RAB30: variants seen among roughly 807,000 people sequenced by gnomAD.
The protein encoded by RAB30 is ras-related protein Rab-30.
RAB30 carries 9 observed loss-of-function variants against 25.1 expected under a neutral mutation model. The ratio of observed to expected loss-of-function variants is 0.36; its 90% CI spans 0.22 to 0.63. RAB30 has a LOEUF of 0.63. Among genes scored for constraint, RAB30 ranks in the 20% least tolerant of loss-of-function variants. The probability of loss-of-function intolerance (pLI) is 0.69; values close to 1 mark genes in which losing one functional copy is unlikely to be tolerated. For missense variants in RAB30, 140 were observed against 243.5 expected, an observed-to-expected ratio of 0.58 and a Z score of 2.83; for synonymous variants, 77 against 86.4, an observed-to-expected ratio of 0.89 and a Z score of 0.60.
intron 1 of RAB30, among the ~76,000 whole-genome samples, chr11:83,012,364 G>A (rs765628397): frequency 1.3e-5 from 2 of 152,126 alleles, no homozygotes; most frequent in African/African-American, 4.8e-5. Flanking sequence ...CTCTTCCAGG[G>A]CTCTGGCTGC....
intron 4 of RAB30, chr11:82,986,998 T>C (rs2121439845): frequency 6.6e-6 from 1 of 152,358 alleles, no homozygotes; most frequent in Admixed American, 6.5e-5. Flanking sequence ...GAGAAGTTTT[T>C]AATGACCTGG....
intron 1 of RAB30, among the ~76,000 whole-genome samples, chr11:83,007,291 G>C (rs1857204764): frequency 6.6e-6 from 1 of 152,190 alleles, no homozygotes; most frequent in African/African-American, 2.4e-5. Flanking sequence ...ATTGGGGGTG[G>C]AGTTAGGAGG....
intron 1 of RAB30, among the ~76,000 whole-genome samples, chr11:83,063,636 C>T (rs908106211): frequency 6.6e-6 from 1 of 152,202 alleles, no homozygotes; most frequent in Non-Finnish European, 1.5e-5. Context: ...GTTCACCCTT[C>T]GCAACTAGCT....
intron 1 of RAB30, among the ~76,000 whole-genome samples, chr11:83,032,735 G>A (rs766752698): frequency 6.6e-6 from 1 of 152,110 alleles, no homozygotes; most frequent in Non-Finnish European, 1.5e-5. Flanking sequence ...GTCCACCATA[G>A]CTAGAACACA....
intron 1 of RAB30, among the ~76,000 whole-genome samples, chr11:83,048,078 T>C (rs966245659): frequency 2.6e-5 from 4 of 152,012 alleles, no homozygotes; most frequent in African/African-American, 7.2e-5. Flanking sequence ...ACCCTGTCTC[T>C]ACAAAAAATA....
intron 1 of RAB30, among the ~76,000 whole-genome samples, chr11:83,010,625 A>G (rs1049097988): frequency 2.0e-5 from 3 of 152,166 alleles, no homozygotes; most frequent in African/African-American, 7.2e-5. Flanking sequence ...ACAGGTACAC[A>G]TATATGAAGC....
Position 82,992,217 on chromosome 11 carries a change from C to T in RAB30, c.177+1822G>A, listed in dbSNP as rs1856864570. On this transcript the variant is annotated intron_variant, in intron 3 of 4. Transcript: ENST00000527633. The stretch of plus-strand genomic sequence containing the variant: ...CCCATCAATGCCTCCTGAGCACACT[C>T]CTGTCTCTCTTTCCTGTCCCCACAG... 9.1e-6 allele frequency: 4 copies of T among 437,942 alleles called. No homozygotes were observed. In the Admixed American group the frequency reaches 9.6e-5, roughly 10 times the overall value. 27.1% of individuals were successfully genotyped at this position (437,942 alleles called of 1,614,324 possible).
intron 1 of RAB30, among the ~76,000 whole-genome samples, chr11:83,019,183 T>C (rs1014608456): frequency 2.6e-5 from 4 of 152,142 alleles, no homozygotes; most frequent in Non-Finnish European, 1.5e-5. Flanking sequence ...TGTGCCACCA[T>C]GCCCAGTAAT....
At chr11:83,021,299 T>C (rs889311060) in intron 1 of RAB30, among the ~76,000 whole-genome samples, 1 of 152,170 alleles carries the variant, frequency 6.6e-6, no homozygotes, top group Non-Finnish European at 1.5e-5. Flanking sequence ...CTCACCAGGT[T>C]ATGAGTGAAG....
At chr11:83,019,953 G>A (rs74651068) in intron 1 of RAB30, among the ~76,000 whole-genome samples, 2,367 of 152,354 alleles carry the variant, frequency 0.016, 55 homozygotes, top group East Asian at 0.079. Flanking sequence ...GTGGTGAGCT[G>A]TCTGGAGCAG....
In RAB30 at chr11:82,976,516, G is replaced by C. The variant is rs983359074; in HGVS notation, c.*5649C>G. On this transcript the variant is annotated 3_prime_UTR_variant, in exon 5 of 5. Coordinates refer to ENST00000527633, the MANE Select transcript of RAB30 (RefSeq NM_001286060.2). ...AGTGTCAAAGTCAGCAACCACCACCGATTCCGTCAGGAACTAGAACACAGC... is the reference window on the plus strand; with the variant it reads ...AGTGTCAAAGTCAGCAACCACCACCCATTCCGTCAGGAACTAGAACACAGC... 1.3e-5 allele frequency: 2 copies of C among 151,938 alleles called. No homozygotes were observed. Among genetic ancestry groups the C allele is most frequent in the Non-Finnish European group, 2.9e-5 (2 of 67,992 alleles). 9.4% of individuals were successfully genotyped at this position (151,938 alleles called of 1,614,324 possible).
chr11:83,015,784 G>C (rs550583887), intron 1 of RAB30, among the ~76,000 whole-genome samples: 3 of 152,288 alleles, frequency 2.0e-5, no homozygotes, highest in African/African-American at 7.2e-5. Context: ...AAGAAGTAGA[G>C]TGTCAAAGAA....
intron 1 of RAB30, among the ~76,000 whole-genome samples, chr11:83,058,989 T>C (rs905718893): frequency 1.3e-5 from 2 of 152,216 alleles, no homozygotes; most frequent in African/African-American, 2.4e-5. Context: ...GTCACCCAGG[T>C]TGGAGTGCAA....
intron 4 of RAB30, among the ~76,000 whole-genome samples, chr11:82,985,859 A>C (rs2121437455): frequency 6.6e-6 from 1 of 152,048 alleles, no homozygotes; most frequent in Admixed American, 6.5e-5. Context: ...CCACAGGTAG[A>C]TGCCATCATG....
At chr11:83,025,821 ATTG>A (rs1857697856) in intron 1 of RAB30, among the ~76,000 whole-genome samples, 2 of 152,244 alleles carry the variant, frequency 1.3e-5, no homozygotes, top group African/African-American at 4.8e-5. Context: ...TTCTTAAAAA[ATTG>A]AAAAGGAGTT....
At position 82,982,102 on chromosome 11, in the gene RAB30, C is replaced by G. The variant is rs139798581; in HGVS notation, c.*63G>C. On this transcript the variant is annotated 3_prime_UTR_variant, in exon 5 of 5. Transcript: ENST00000527633. ...GGGAGCCACAGTCATCGCCAGATCTCCCCAGCATCTCATGGCCCATCAGGG... is the reference window on the plus strand; with the variant it reads ...GGGAGCCACAGTCATCGCCAGATCTGCCCAGCATCTCATGGCCCATCAGGG... 412 of 1,601,194 alleles carry G rather than the reference C, an allele frequency of 2.6e-4. 1 individual carries two copies. The African/African-American group carries it at 4.5e-3, about 17-fold the overall frequency.
At chr11:83,063,343 G>A (rs1858624684) in intron 1 of RAB30, among the ~76,000 whole-genome samples, 1 of 152,196 alleles carries the variant, frequency 6.6e-6, no homozygotes, top group African/African-American at 2.4e-5. Flanking sequence ...AGATGTAGAG[G>A]AAGTGAGCAG....
At chr11:83,037,518 G>A (rs1434252563) in intron 1 of RAB30, among the ~76,000 whole-genome samples, 1 of 152,144 alleles carries the variant, frequency 6.6e-6, no homozygotes, top group African/African-American at 2.4e-5. Context: ...CCAAAGTGCT[G>A]GGATTACAGG....
At position 82,982,082 on chromosome 11, in the gene RAB30, C is replaced by A; in HGVS notation, c.*83G>T. 6.4e-7 allele frequency: 1 copy of A among 1,565,734 alleles called. No homozygotes were observed. The highest frequency in any genetic ancestry group is 1.2e-5 in the South Asian group (1 of 84,770). On this transcript the variant is annotated 3_prime_UTR_variant, in exon 5 of 5. Transcript: ENST00000527633. Reference sequence around the variant, plus strand: ...GAGTCAGAAGGTCAGAGAGCGGGAGCCACAGTCATCGCCAGATCTCCCCAG... The same window carrying A: ...GAGTCAGAAGGTCAGAGAGCGGGAGACACAGTCATCGCCAGATCTCCCCAG...
Sources: gnomAD v4.1 joint callset for allele counts (sites outside exome capture counted in the v4.1 genomes callset) on GRCh38, gnomAD v4.1.1 for gene constraint, MANE v1.5 for transcripts, NCBI Gene and HGNC (gene_info 2026-07-23, HGNC 2026-07-21) for gene names.